TMIGD2: variants seen among roughly 807,000 people sequenced by gnomAD.
TMIGD2 encodes transmembrane and immunoglobulin domain containing 2, also known as transmembrane and immunoglobulin domain-containing protein 2.
In TMIGD2, 18 loss-of-function variants were observed where a neutral mutation model predicts 22.6. The ratio of observed to expected loss-of-function variants is 0.80; its 90% confidence interval spans 0.55 to 1.18. The LOEUF (loss-of-function observed/expected upper bound fraction) is 1.18, where lower values mean the gene tolerates loss of function less well. Among genes scored for constraint, TMIGD2 ranks in the 50% most tolerant of loss-of-function variants. The pLI, the probability that TMIGD2 is intolerant of heterozygous loss-of-function variation, is 0.00. For missense variants in TMIGD2, 361 were observed against 378.2 expected, an observed-to-expected ratio of 0.95 and a Z score of 0.38; for synonymous variants, 184 against 154.1, an observed-to-expected ratio of 1.19 and a Z score of -1.44.
Position 4,298,339 on chromosome 19 carries a change from T to G in TMIGD2, c.53A>C (p.Gln18Pro), listed in dbSNP as rs746548696. The change falls in exon 2 of 5, where the codon CAA becomes CCA. Residue 18 changes from glutamine to proline, a missense_variant. Coordinates refer to ENST00000301272, the Ensembl canonical transcript of TMIGD2. ...CTGCACGCTCAGGCTTGAGGCTTCT[T>G]GCAGGGCTGGAGGACAGAAGAGGTA... The G allele has an allele frequency of 5.1e-6, 8 of 1,573,690 alleles. No homozygotes were observed. In the Admixed American group the frequency reaches 5.2e-5, roughly 10 times the overall value.
chr19:4,300,964 T>G (rs960510726), intron 1 of TMIGD2, among the ~76,000 whole-genome samples: 1 of 148,330 alleles, frequency 6.7e-6, no homozygotes, highest in African/African-American at 2.6e-5. Context: ...CAATTGAAGT[T>G]TTTGTTTTTG....
At chr19:4,301,841 AG>A (rs1404652706) in intron 1 of TMIGD2, among the ~76,000 whole-genome samples, 1 of 152,200 alleles carries the variant, frequency 6.6e-6, no homozygotes, top group Non-Finnish European at 1.5e-5. Flanking sequence ...CTGCCGGAGT[AG>A]AAAGTCTGCT....
rs117531557 is a variant in TMIGD2 at position 4,297,025 on chromosome 19, G to C, written c.406+961C>G. 2.7e-4 allele frequency among the ~76,000 whole-genome samples: 41 copies of C among 151,032 alleles called. No individual in the cohort carries two copies. The East Asian group carries it at 7.2e-3, about 27-fold the overall frequency. ...GTAAAGTGAGGCAGCTGGCGTTGCT[G>C]ACCTGGAAAGCTATCTGGAGGGTTT... On this transcript the variant is annotated intron_variant, in intron 2 of 4. Transcript: ENST00000301272.
chr19:4,292,843 G>C, exon 5 of TMIGD2: 1 of 1,613,758 alleles, frequency 6.2e-7, no homozygotes, highest in Non-Finnish European at 8.5e-7. Flanking sequence ...CTTCTTTGGG[G>C]CCCCCCGGGG....
At chr19:4,300,893 T>C (rs1431730477) in intron 1 of TMIGD2, among the ~76,000 whole-genome samples, 1 of 152,136 alleles carries the variant, frequency 6.6e-6, no homozygotes, top group Non-Finnish European at 1.5e-5. Context: ...TGAAGGAAGT[T>C]AAGCAGTTTA....
intron 1 of TMIGD2, 115 bp downstream of exon 1, chr19:4,302,225 G>A (rs1971546221): frequency 4.5e-6 from 5 of 1,118,640 alleles, no homozygotes; most frequent in Non-Finnish European, 5.0e-6. Context: ...GAGGGAGATG[G>A]GCCTTATCTG....
chr19:4,293,811 G>A (rs1370323831), intron 4 of TMIGD2, among the ~76,000 whole-genome samples: 2 of 151,818 alleles, frequency 1.3e-5, no homozygotes, highest in Non-Finnish European at 2.9e-5. Context: ...GCCCAGGCTG[G>A]AGTGTAGTGA....
At chr19:4,299,395 C>A (rs966375236) in intron 1 of TMIGD2, among the ~76,000 whole-genome samples, 7 of 151,802 alleles carry the variant, frequency 4.6e-5, no homozygotes, top group African/African-American at 1.7e-4. Context: ...ATCCTCCCCG[C>A]TAACGCCTCC....
At chr19:4,296,207 C>T (rs1054584240) in intron 2 of TMIGD2, among the ~76,000 whole-genome samples, 2 of 152,212 alleles carry the variant, frequency 1.3e-5, no homozygotes, top group Non-Finnish European at 2.9e-5. Flanking sequence ...GCGTGAGCCA[C>T]TGCACTTGGA....
exon 5 of TMIGD2, chr19:4,292,824 G>T: frequency 6.2e-7 from 1 of 1,613,856 alleles, no homozygotes; most frequent in South Asian, 1.1e-5. Flanking sequence ...CTCCAGAGCA[G>T]TCCTCACTCT....
chr19:4,293,365 A>G (rs1392312821), intron 4 of TMIGD2, among the ~76,000 whole-genome samples: 2 of 146,794 alleles, frequency 1.4e-5, no homozygotes, highest in African/African-American at 5.1e-5. Context: ...GGTTCAAGTG[A>G]TTCTCCTGCC....
At position 4,299,023 on chromosome 19, in the gene TMIGD2, G is replaced by A. The variant is rs115298391; in HGVS notation, c.47-678C>T. Among the ~76,000 whole-genome samples, 567 of 152,310 alleles carry A rather than the reference G, an allele frequency of 3.7e-3. 4 individuals are homozygous for A. Among genetic ancestry groups the A allele is most frequent in the African/African-American group, 0.013 (533 of 41,574 alleles). On this transcript the variant is annotated intron_variant, in intron 1 of 4. Coordinates refer to ENST00000301272, the Ensembl canonical transcript of TMIGD2. ...TAGGGCAAGAGAGACACAGGAAGTC[G>A]TGAAATGAGAACTGCAGTGGGGGAA...
rs1243960845 is a variant in TMIGD2, at chr19:4,295,139, T to G, written c.407-323A>C. 2.0e-5 allele frequency among the ~76,000 whole-genome samples: 3 copies of G among 150,576 alleles called. No individual in the cohort carries two copies. The Admixed American group carries it at 2.0e-4, about 10-fold the overall frequency. ...TAGCCAGGCATGGTGGTGGCGCCTT[T>G]AATCCCAACTACTCAGGAGGCTGAG... On this transcript the variant is annotated intron_variant, in intron 2 of 4. Transcript: ENST00000301272.
chr19:4,296,989 C>G (rs776535373), intron 2 of TMIGD2, among the ~76,000 whole-genome samples: 14 of 151,954 alleles, frequency 9.2e-5, no homozygotes, highest in Non-Finnish European at 1.9e-4. Context: ...TCTGGTTCAC[C>G]TGGCTCATCT....
chr19:4,300,773 C>A (rs768142619), intron 1 of TMIGD2, among the ~76,000 whole-genome samples: 14 of 151,974 alleles, frequency 9.2e-5, no homozygotes, highest in Non-Finnish European at 1.6e-4. Flanking sequence ...CTGTGCCTGG[C>A]GTGTTGGAGG....
chr19:4,299,989 A>ACG (rs1971514059), intron 1 of TMIGD2, among the ~76,000 whole-genome samples: 1 of 151,328 alleles, frequency 6.6e-6, no homozygotes, highest in Non-Finnish European at 1.5e-5. Context: ...GGCCGGGTGC[A>ACG]GTGGCTCACG....
intron 2 of TMIGD2, among the ~76,000 whole-genome samples, chr19:4,297,189 T>G (rs1440213572): frequency 6.8e-6 from 1 of 146,308 alleles, no homozygotes; most frequent in African/African-American, 2.5e-5. Flanking sequence ...TGCCTCAGCC[T>G]CCTGAGTAGC....
rs1971402898 is a variant in TMIGD2 at position 4,292,962 on chromosome 19, CTCT to C, written c.563-80_563-78del. On this transcript the variant is annotated intron_variant, in intron 4 of 4. Transcript: ENST00000301272. The stretch of plus-strand genomic sequence containing the variant: ...TCCAGCTGACCTCTGGGGGATCTGT[CTCT>C]TTTTTTTTTTTTCTGTGAGACGGAG... 4 of 1,530,904 alleles carry C rather than the reference CTCT, an allele frequency of 2.6e-6. No individual in the cohort carries two copies. The South Asian group carries it at 3.6e-5, about 14-fold the overall frequency. The allele number at this position is 1,530,904 out of a possible 1,614,324, so 94.8% of individuals were successfully genotyped here.
chr19:4,295,755 G>A (rs979259364), intron 2 of TMIGD2, among the ~76,000 whole-genome samples: 3 of 152,044 alleles, frequency 2.0e-5, no homozygotes, highest in Non-Finnish European at 2.9e-5. Flanking sequence ...CGGGGAAACC[G>A]AGGCTCAGAG....
Sources: allele counts gnomAD v4.1 joint callset (sites outside exome capture counted in the v4.1 genomes callset), GRCh38; gene constraint gnomAD v4.1.1; transcripts MANE v1.5; gene names NCBI Gene and HGNC (gene_info 2026-07-23, HGNC 2026-07-21).